The following MTG2 variants were observed in gnomAD, a reference collection of about 807,000 sequenced individuals.
MTG2 encodes the protein mitochondrial ribosome associated GTPase 2.
Under a neutral mutation model 28.6 loss-of-function variants are expected in MTG2, and 23 were observed. The ratio of observed to expected loss-of-function variants is 0.80; its 90% CI spans 0.58 to 1.14. The LOEUF (loss-of-function observed/expected upper bound fraction) is 1.14. Ranked by LOEUF, MTG2 falls within the 50% of genes most tolerant of loss-of-function variation. The probability of loss-of-function intolerance (pLI) is 0.00; values close to 1 mark genes in which losing one functional copy is unlikely to be tolerated. For synonymous variants in MTG2, 260 were observed against 251.8 expected, an observed-to-expected ratio of 1.03 and a Z score of -0.31; for missense variants, 539 against 552.0, an observed-to-expected ratio of 0.98 and a Z score of 0.24.
Position 62,199,139 on chromosome 20 carries a change from G to C in MTG2, c.708G>C (p.Gly236=), listed in dbSNP as rs374768509. 8.7e-6 allele frequency: 14 copies of C among 1,613,972 alleles called. No individual in the cohort carries two copies. The African/African-American group carries it at 1.9e-4, about 22-fold the overall frequency. ...CCCAGGTGGGATTCCCCAACGCCGG[G>C]AAGTCCTCACTGCTCCGGGCCATTT... ...HAGMVGFPNA[G]KSSLLRAISN... The change falls in exon 6 of 7, where the codon GGG becomes GGC. Residue 236 remains glycine (G), a synonymous_variant. Coordinates refer to ENST00000370823, the MANE Select transcript of MTG2 (RefSeq NM_015666.4).
In MTG2 at chr20:62,199,122, G is replaced by C; in HGVS notation, c.691G>C (p.Gly231Arg). ...LKTVAHAGMVGFPNAGKSSLL... is the reference protein window; with the variant it reads ...LKTVAHAGMVRFPNAGKSSLL... ...CCGTCTTCCCTCTTTCCCCCAGGTG[G>C]GATTCCCCAACGCCGGGAAGTCCTC... is the stretch of plus-strand genomic sequence containing the variant. The change falls in exon 6 of 7, where the codon GGA (glycine) becomes CGA (arginine). Residue 231 changes from glycine to arginine, a missense_variant. Gly to Arg is a moderately radical substitution (Grantham distance 125). Transcript: ENST00000370823. 6.2e-7 allele frequency: 1 copy of C among 1,614,010 alleles called. No homozygotes were observed. Among genetic ancestry groups the C allele is most frequent in the Non-Finnish European group, 8.5e-7 (1 of 1,179,976 alleles).
At chr20:62,193,699 C>G in intron 2 of MTG2, 75 bp downstream of exon 2, 2 of 1,359,152 alleles carry the variant, frequency 1.5e-6, no homozygotes, top group Non-Finnish European at 2.0e-6. Flanking sequence ...GGGTCCTCCT[C>G]TGGGTCTCAT....
Position 62,197,968 on chromosome 20 carries a change from G to T in MTG2, c.468+1G>T, listed in dbSNP as rs773401413. On this transcript the variant is annotated splice_donor_variant, in intron 4 of 6. Coordinates refer to ENST00000370823, the MANE Select transcript of MTG2 (RefSeq NM_015666.4). LOFTEE classifies it high-confidence loss of function. Reference sequence around the variant, plus strand: ...CAGTGGCGCCGTCCTCTACATCCGGGTGAGCCGAGACTGCCGGACCTGGCC... The same window carrying T: ...CAGTGGCGCCGTCCTCTACATCCGGTTGAGCCGAGACTGCCGGACCTGGCC... 6.2e-7 allele frequency: 1 copy of T among 1,612,998 alleles called. No individual in the cohort carries two copies. The highest frequency in any genetic ancestry group is 8.5e-7 in the Non-Finnish European group (1 of 1,179,088).
chr20:62,186,935 C>T (rs570549055), intron 1 of MTG2, among the ~76,000 whole-genome samples: 5 of 152,294 alleles, frequency 3.3e-5, no homozygotes, highest in African/African-American at 1.2e-4. Context: ...GACATTGTTG[C>T]ATAGCAGTGG....
At chr20:62,194,293 G>A (rs1364581320) in intron 2 of MTG2, among the ~76,000 whole-genome samples, 1 of 152,220 alleles carries the variant, frequency 6.6e-6, no homozygotes, top group African/African-American at 2.4e-5. Context: ...AGGGGCTCCA[G>A]ATAAGCATTA....
intron 1 of MTG2, among the ~76,000 whole-genome samples, chr20:62,185,710 CAT>C (rs1319807747): frequency 1.3e-5 from 2 of 152,170 alleles, no homozygotes; most frequent in Non-Finnish European, 2.9e-5. Context: ...CCACTCGTGA[CAT>C]GTGGCTGTGT....
At chr20:62,189,867 G>A (rs1431497316) in intron 1 of MTG2, among the ~76,000 whole-genome samples, 2 of 152,064 alleles carry the variant, frequency 1.3e-5, no homozygotes, top group African/African-American at 2.4e-5. Flanking sequence ...GTTTCACCAC[G>A]TTGGTCAGGC....
intron 1 of MTG2, among the ~76,000 whole-genome samples, chr20:62,192,158 C>A (rs1228362976): frequency 6.6e-6 from 1 of 152,244 alleles, no homozygotes; most frequent in African/African-American, 2.4e-5. Context: ...CAGTCACCCC[C>A]CACTTCAGAT....
rs776505648 is a variant in MTG2 at position 62,197,962 on chromosome 20, A to G, written c.463A>G (p.Ile155Val). 6.2e-7 allele frequency: 1 copy of G among 1,613,574 alleles called. No homozygotes were observed. Among genetic ancestry groups the G allele is most frequent in the Non-Finnish European group, 8.5e-7 (1 of 1,179,594 alleles). The change falls in exon 4 of 7, where the codon ATC becomes GTC. Residue 155 changes from isoleucine (I) to valine (V), a missense_variant. By Grantham distance (29) the Ile-to-Val change is conservative. Transcript: ENST00000370823. ...CFGRSGAVLY[I>V]RVPVGTLVKE... ...CGGGCGCAGTGGCGCCGTCCTCTAC[A>G]TCCGGGTGAGCCGAGACTGCCGGAC...
chr20:62,186,779 T>C (rs1779622705), intron 1 of MTG2, among the ~76,000 whole-genome samples: 1 of 152,104 alleles, frequency 6.6e-6, no homozygotes. Context: ...TCCGCCCACC[T>C]CGGCCTCCCA....
chr20:62,200,405 T>A (rs1454591901), intron 6 of MTG2: 6 of 374,692 alleles, frequency 1.6e-5, no homozygotes, highest in Non-Finnish European at 2.9e-5. Flanking sequence ...AAAGAGAAGG[T>A]ATGAAATGTA....
At chr20:62,194,886 A>T (rs2058031479) in intron 2 of MTG2, among the ~76,000 whole-genome samples, 1 of 152,098 alleles carries the variant, frequency 6.6e-6, no homozygotes, top group African/African-American at 2.4e-5. Flanking sequence ...GATTGCACCT[A>T]CCTTAGTGAC....
chr20:62,196,439 G>A (rs913568714), intron 3 of MTG2, among the ~76,000 whole-genome samples: 2 of 151,978 alleles, frequency 1.3e-5, no homozygotes, highest in African/African-American at 2.4e-5. Context: ...TTGGGAGACC[G>A]AGGCGGGTGG....
chr20:62,198,689 GC>G lies in MTG2; in HGVS notation c.525del (p.Cys175TrpfsTer30), dbSNP rs751713759. ...GGCAGAGTTGTGGCCGACCTGTCTT[GC>G]GTGGGAGATGAGTACATTGCCGCGC... is the stretch of plus-strand genomic sequence containing the variant. The part of the protein sequence containing the change: ...EGGRVVADLS[C>X]VGDEYIAALG... On this transcript the variant is annotated frameshift_variant, in exon 5 of 7. Transcript: ENST00000370823. LOFTEE classifies it high-confidence loss of function. 1.2e-6 allele frequency: 2 copies of G among 1,614,146 alleles called. No individual in the cohort carries two copies. Among genetic ancestry groups the G allele is most frequent in the Admixed American group, 3.3e-5 (2 of 60,030 alleles).
At chr20:62,197,653 C>T in intron 3 of MTG2, 199 bp from the exon 4 acceptor site, 1 of 561,614 alleles carries the variant, frequency 1.8e-6, no homozygotes, top group Non-Finnish European at 3.2e-6. Flanking sequence ...TAAAAATTTT[C>T]AGAAATGATA....
At chr20:62,186,105 G>A (rs951584806) in intron 1 of MTG2, among the ~76,000 whole-genome samples, 5 of 152,152 alleles carry the variant, frequency 3.3e-5, no homozygotes, top group Non-Finnish European at 5.9e-5. Flanking sequence ...AGGCTGAGCC[G>A]TGGCTATGCT....
intron 1 of MTG2, among the ~76,000 whole-genome samples, chr20:62,189,684 G>A (rs202113124): frequency 2.8e-5 from 1 of 35,556 alleles, no homozygotes; most frequent in Non-Finnish European, 6.1e-5. Context: ...TTTTTTTTTT[G>A]AGATGGAGTC....
At chr20:62,200,426 T>C (rs1568792807) in intron 6 of MTG2, among the ~76,000 whole-genome samples, 2 of 152,212 alleles carry the variant, frequency 1.3e-5, no homozygotes, top group Admixed American at 6.5e-5. Flanking sequence ...CTCTACTAGA[T>C]AGATCCATCG....
chr20:62,200,960 C>G lies in MTG2; in HGVS notation c.1104C>G (p.Ile368Met), dbSNP rs766226812. The G allele has an allele frequency of 6.2e-7, 1 of 1,613,898 alleles. No homozygotes were observed. The highest frequency in any genetic ancestry group is 8.5e-7 in the Non-Finnish European group (1 of 1,180,048). ...QLRDHLGQEV[I>M]VLSALTGENL... ...GGGATCACTTGGGACAGGAGGTCATCGTGCTGTCGGCGTTGACCGGCGAGA... is the reference window on the plus strand; with the variant it reads ...GGGATCACTTGGGACAGGAGGTCATGGTGCTGTCGGCGTTGACCGGCGAGA... The change falls in exon 7 of 7, where the codon ATC (isoleucine) becomes ATG (methionine). Residue 368 changes from isoleucine to methionine, a missense_variant. Ile to Met is a conservative substitution (Grantham distance 10). Transcript: ENST00000370823.
Sources: gnomAD v4.1 joint callset for allele counts (sites outside exome capture counted in the v4.1 genomes callset) on GRCh38, gnomAD v4.1.1 for gene constraint, MANE v1.5 for transcripts, NCBI Gene and HGNC (gene_info 2026-07-23, HGNC 2026-07-21) for gene names.